Variants in MEF2B observed in about 807,000 individuals in gnomAD.
MEF2B encodes the protein myocyte-specific enhancer factor 2B.
MEF2B carries 15 observed loss-of-function variants against 32.2 expected under a neutral mutation model. The ratio of observed to expected loss-of-function variants is 0.47; its 90% CI spans 0.31 to 0.72. The LOEUF (loss-of-function observed/expected upper bound fraction) is 0.72, where lower values mean the gene tolerates loss of function less well. Ranked by LOEUF, MEF2B falls within the 30% of genes least tolerant of loss-of-function variation. The pLI is 0.05. For missense variants in MEF2B, 441 were observed against 511.5 expected (o/e 0.86, Z 1.33); for synonymous variants, 205 against 225.6 (o/e 0.91, Z 0.82).
intron 1 of MEF2B, among the ~76,000 whole-genome samples, chr19:19,158,375 G>T (rs1435481637): frequency 0.01 from 1 of 96 alleles, no homozygotes; most frequent in Non-Finnish European, 0.045. Context: ...GCGTGAGCAT[G>T]GGCGCCCCCG....
Position 19,146,306 on chromosome 19 carries a change from C to A in MEF2B, c.848G>T (p.Gly283Val), listed in dbSNP as rs1039419408. Residue 283 changes from glycine to valine, a missense_variant, in exon 8 of 9, where the codon GGT (glycine) becomes GTT (valine). By Grantham distance (109) the Gly-to-Val change is moderately radical (BLOSUM62 -3). Around this residue, in one of 2 missense-constraint regions of MEF2B, gnomAD observed 326 missense variants for 328.4 expected, o/e 0.99. Coordinates refer to ENST00000424583, the MANE Select transcript of MEF2B (RefSeq NM_001145785.2). ...GGAGGACACGGCGGGGGGCCCATCA[C>A]CCCTCGAGGGCTGCCAGGGGGCCAG... Reference protein sequence around the residue: ...PTLAPWQPSRGDGPPAVSSQP... With the variant: ...PTLAPWQPSRVDGPPAVSSQP... The A allele has an allele frequency of 9.1e-5, 122 of 1,344,840 alleles. No homozygotes were observed. The highest frequency in any genetic ancestry group is 1.1e-4 in the Non-Finnish European group (119 of 1,043,284). The allele number at this position is 1,344,840 out of a possible 1,614,324, so 83.3% of individuals were successfully genotyped here. A position where few individuals can be genotyped will look rare whatever the true frequency, so the allele number is the denominator to read the frequency against.
chr19:19,150,198 AGGAAGGAAGGAG>A (rs1160028068), intron 2 of MEF2B, among the ~76,000 whole-genome samples: 5 of 124,206 alleles, frequency 4.0e-5, no homozygotes, highest in Non-Finnish European at 6.7e-5. Flanking sequence ...GAAGGAAGGA[AGGAAGGAAGGAG>A]GGAAGGAGGG....
rs965766455 is a variant in MEF2B, at chr19:19,163,358, C to T, written c.-30+6847G>A. On this transcript the variant is annotated intron_variant, in intron 1 of 8. Transcript: ENST00000424583. ...AGAGCCGGGGTCTCCCTGTGTTGCC[C>T]AGGCTGGTCTCAAACTCCTGGTCTC... 6.6e-5 allele frequency among the ~76,000 whole-genome samples: 10 copies of T among 152,028 alleles called. No individual in the cohort carries two copies. The East Asian group carries it at 1.9e-3, about 29-fold the overall frequency.
At chr19:19,158,445 T>TA (rs370149412) in intron 1 of MEF2B, among the ~76,000 whole-genome samples, 2,091 of 124,062 alleles carry the variant, frequency 0.017, 46 homozygotes, top group African/African-American at 0.049. Flanking sequence ...ACCCTGCCCC[T>TA]AAAAAAAAAA....
intron 1 of MEF2B, among the ~76,000 whole-genome samples, chr19:19,153,066 C>T (rs777485159): frequency 1.9e-4 from 29 of 152,306 alleles, no homozygotes; most frequent in African/African-American, 7.0e-4. Flanking sequence ...TGGACGGGGG[C>T]CTTGGTCCGG....
intron 2 of MEF2B, among the ~76,000 whole-genome samples, chr19:19,150,224 G>C (rs1286116674): frequency 6.9e-6 from 1 of 145,296 alleles, no homozygotes; most frequent in African/African-American, 2.5e-5. Context: ...AGGAGGGAGG[G>C]AGGGGAAACA....
In MEF2B at chr19:19,170,246, C is replaced by A; in HGVS notation, c.-71G>T. The A allele has an allele frequency of 2.5e-6, 1 of 398,566 alleles. No individual in the cohort carries two copies. The highest frequency in any genetic ancestry group is 4.4e-6 in the Non-Finnish European group (1 of 225,990). 24.7% of individuals were successfully genotyped at this position (398,566 alleles called of 1,614,324 possible). A position where few individuals can be genotyped will look rare whatever the true frequency, so the allele number is the denominator to read the frequency against. On this transcript the variant is annotated 5_prime_UTR_variant, in exon 1 of 9. Coordinates refer to ENST00000424583, the MANE Select transcript of MEF2B (RefSeq NM_001145785.2). Reference sequence around the variant, plus strand: ...CTGGGACGCTGGGCGCACGGACCCGCGGCGGCTGCACGAAGATCAGGGGCC... The same window carrying A: ...CTGGGACGCTGGGCGCACGGACCCGAGGCGGCTGCACGAAGATCAGGGGCC...
Position 19,165,842 on chromosome 19 carries a change from C to T in MEF2B, c.-30+4363G>A, listed in dbSNP as rs751223386. On this transcript the variant is annotated intron_variant, in intron 1 of 8. Coordinates refer to ENST00000424583, the MANE Select transcript of MEF2B (RefSeq NM_001145785.2). ...CAGCAGCCATGACTCTTATTACAAT[C>T]CACCTCCATTTCTCCCTTCCTCAGG... is the stretch of plus-strand genomic sequence containing the variant. Among the ~76,000 whole-genome samples the T allele has an allele frequency of 1.6e-4, 24 of 152,138 alleles. 1 individual carries two copies. The highest frequency in any genetic ancestry group is 3.3e-4 in the Admixed American group (5 of 15,270).
chr19:19,155,783 CG>C (rs1482207148), intron 1 of MEF2B, among the ~76,000 whole-genome samples: 3 of 152,184 alleles, frequency 2.0e-5, no homozygotes, highest in Non-Finnish European at 4.4e-5. Context: ...TTGGTGTGAT[CG>C]GAACTGCTGG....
intron 1 of MEF2B, among the ~76,000 whole-genome samples, chr19:19,154,461 CTTTTA>C (rs752475079): frequency 5.9e-5 from 9 of 151,408 alleles, no homozygotes; most frequent in Non-Finnish European, 1.2e-4. Context: ...CGCGCCCAGC[CTTTTA>C]TTTTATTTTT....
At chr19:19,164,494 G>A (rs934172488) in intron 1 of MEF2B, among the ~76,000 whole-genome samples, 1 of 152,156 alleles carries the variant, frequency 6.6e-6, no homozygotes, top group Non-Finnish European at 1.5e-5. Context: ...AACCTGACCT[G>A]GCACAGGCAC....
At chr19:19,166,483 G>A (rs2060208602) in intron 1 of MEF2B, among the ~76,000 whole-genome samples, 2 of 151,998 alleles carry the variant, frequency 1.3e-5, no homozygotes, top group Non-Finnish European at 2.9e-5. Flanking sequence ...ATGGCATCTG[G>A]TTGGGCTCAT....
At chr19:19,152,387 A>AAAAAG (rs2060090315) in intron 1 of MEF2B, among the ~76,000 whole-genome samples, 1 of 146,770 alleles carries the variant, frequency 6.8e-6, no homozygotes, top group Admixed American at 6.8e-5. Context: ...TCTCAAAAAA[A>AAAAAG]AAAAAGAAAA....
intron 1 of MEF2B, among the ~76,000 whole-genome samples, chr19:19,152,957 T>C (rs1352399710): frequency 2.0e-5 from 3 of 152,338 alleles, no homozygotes; most frequent in Non-Finnish European, 2.9e-5. Flanking sequence ...CTTGACTTGC[T>C]AAATTTAACC....
intron 1 of MEF2B, among the ~76,000 whole-genome samples, chr19:19,163,208 T>C (rs1234913585): frequency 6.6e-6 from 1 of 152,130 alleles, no homozygotes; most frequent in African/African-American, 2.4e-5. Flanking sequence ...CGGGCTGGAG[T>C]GCAGTGGTGT....
At chr19:19,149,477 ATG>A in intron 2 of MEF2B, 48 bp from the exon 3 acceptor site, 6 of 1,610,754 alleles carry the variant, frequency 3.7e-6, no homozygotes, top group Non-Finnish European at 5.1e-6. Context: ...GAAGAGATGA[ATG>A]TGGGGTGGTG....
intron 1 of MEF2B, among the ~76,000 whole-genome samples, chr19:19,166,697 C>G (rs897969531): frequency 6.6e-6 from 1 of 151,664 alleles, no homozygotes; most frequent in Non-Finnish European, 1.5e-5. Flanking sequence ...AGTTCAAGGT[C>G]ACAGGGAGCC....
intron 4 of MEF2B, 24 bp from the exon 5 acceptor site, chr19:19,147,207 C>G: frequency 3.7e-6 from 5 of 1,364,392 alleles, no homozygotes; most frequent in Non-Finnish European, 4.9e-6. Flanking sequence ...AGGGATGGGT[C>G]AGAGGACCCC....
chr19:19,151,677 C>T lies in MEF2B; in HGVS notation c.-29-913G>A, dbSNP rs929189448. Among the ~76,000 whole-genome samples the T allele has an allele frequency of 7.3e-4, 111 of 152,296 alleles. 3 individuals are homozygous for T. Among genetic ancestry groups the T allele is most frequent in the Admixed American group, 7.1e-3 (108 of 15,294 alleles). On this transcript the variant is annotated intron_variant, in intron 1 of 8. Transcript: ENST00000424583. Reference sequence around the variant, plus strand: ...GGCAAGGGGCCTCTCCAGGGTCACGCGGACCTACGCTCAGGCCTGGCCTTC... The same window carrying T: ...GGCAAGGGGCCTCTCCAGGGTCACGTGGACCTACGCTCAGGCCTGGCCTTC...
Sources: gnomAD v4.1 joint callset for allele counts (sites outside exome capture counted in the v4.1 genomes callset) on GRCh38, gnomAD v4.1.1 for gene constraint, gnomAD v4.1.1 regional missense constraint, MANE v1.5 for transcripts, NCBI Gene and HGNC (gene_info 2026-07-23, HGNC 2026-07-21) for gene names.